The following SNRPA variants were observed in gnomAD, a reference collection of about 807,000 sequenced individuals.
The protein encoded by SNRPA is small nuclear ribonucleoprotein polypeptide A, also known as U1 small nuclear ribonucleoprotein A.
Under a neutral mutation model 24.5 loss-of-function variants are expected in SNRPA, and 10 were observed. The ratio of observed to expected loss-of-function variants is 0.41; its 90% confidence interval spans 0.25 to 0.69. The LOEUF (loss-of-function observed/expected upper bound fraction) is 0.69. Among genes scored for constraint, SNRPA ranks in the 30% least tolerant of loss-of-function variants. The pLI, the probability that SNRPA is intolerant of heterozygous loss-of-function variation, is 0.33. For synonymous variants in SNRPA, 165 were observed against 148.4 expected (o/e 1.11, Z -0.81); for missense variants, 283 against 394.7 (o/e 0.72, Z 2.40).
intron 3 of SNRPA, among the ~76,000 whole-genome samples, chr19:40,761,127 A>C (rs1206825164): frequency 2.4e-5 from 3 of 126,280 alleles, no homozygotes; most frequent in Non-Finnish European, 3.3e-5. Flanking sequence ...GTCCATGTGC[A>C]AAAAAAAAAA....
intron 3 of SNRPA, 62 bp from the exon 4 acceptor site, chr19:40,762,839 A>ATT (rs1568485905): frequency 6.4e-7 from 1 of 1,551,374 alleles, no homozygotes; most frequent in Non-Finnish European, 8.8e-7. Flanking sequence ...GTTTCCTTTC[A>ATT]TGGCCTCTTC....
chr19:40,761,458 C>CTTTTTTTTTTTTTTTTTTTTTTTTTTT lies in SNRPA; in HGVS notation c.427-1417_427-1416insTTTTTTTTTTTTTTTTTTTTTTTTTTT, dbSNP rs200242370. Among the ~76,000 whole-genome samples the CTTTTTTTTTTTTTTTTTTTTTTTTTTT allele has an allele frequency of 3.5e-5, 3 of 85,874 alleles. 1 individual carries two copies. The highest frequency in any genetic ancestry group is 4.3e-5 in the Non-Finnish European group (2 of 46,046). The allele number at this position is 85,874 out of a possible 152,430, so 56.3% of individuals were successfully genotyped here. On this transcript the variant is annotated intron_variant, in intron 3 of 5. Transcript: ENST00000243563. ...TCTCTTTTCTTTTCTTTTTCTTTTT[C>CTTTTTTTTTTTTTTTTTTTTTTTTTTT]TTTTTTTTTTTTTTTTTTTTTTTTT...
chr19:40,760,172 G>A (rs77565697), intron 3 of SNRPA, among the ~76,000 whole-genome samples: 3,088 of 152,170 alleles, frequency 0.02, 99 homozygotes, highest in African/African-American at 0.07. Context: ...GTCAGTCCGT[G>A]CCACTCCACC....
chr19:40,757,550 T>C (rs373865948), intron 2 of SNRPA, 46 bp downstream of exon 2: 5 of 1,540,626 alleles, frequency 3.2e-6, no homozygotes, highest in Admixed American at 1.9e-5. Flanking sequence ...TAAAATGTTA[T>C]AGGAGACTGG....
rs1478645683 is a variant in SNRPA at position 40,757,326 on chromosome 19, C to G, written c.74-6C>G. On this transcript the variant is annotated splice_polypyrimidine_tract_variant and splice_region_variant and intron_variant, in intron 1 of 5. Transcript: ENST00000243563. The stretch of plus-strand genomic sequence containing the variant: ...AGCTCAAAGGTCTTTTTTTCCCCCA[C>G]TGCAGAGCTAAAAAAGTCCCTGTAC... The G allele has an allele frequency of 6.2e-7, 1 of 1,613,742 alleles. No homozygotes were observed. The highest frequency in any genetic ancestry group is 1.3e-5 in the African/African-American group (1 of 74,882).
At chr19:40,758,340 C>G (rs956626112) in intron 2 of SNRPA, among the ~76,000 whole-genome samples, 1 of 152,118 alleles carries the variant, frequency 6.6e-6, no homozygotes, top group Non-Finnish European at 1.5e-5. Flanking sequence ...TTGTTCATTG[C>G]TTTATTCCCA....
intron 1 of SNRPA, among the ~76,000 whole-genome samples, chr19:40,751,991 C>G (rs568863237): frequency 1.3e-5 from 2 of 152,256 alleles, no homozygotes; most frequent in South Asian, 4.2e-4. Context: ...ACATTTAATT[C>G]TCACAACAAT....
Position 40,759,416 on chromosome 19 carries a change from C to G in SNRPA, c.247-15C>G. On this transcript the variant is annotated splice_polypyrimidine_tract_variant and intron_variant, in intron 2 of 5. Coordinates refer to ENST00000243563, the MANE Select transcript of SNRPA (RefSeq NM_004596.5). ...GAATCCACGCTCTTAACCCGTTCTG[C>G]TCTCTGTTTGGTAGCGTATCCAGTA... The G allele has an allele frequency of 6.2e-7, 1 of 1,604,822 alleles. No individual in the cohort carries two copies. Among genetic ancestry groups the G allele is most frequent in the Non-Finnish European group, 8.5e-7 (1 of 1,175,478 alleles).
At chr19:40,761,026 A>G (rs945859781) in intron 3 of SNRPA, among the ~76,000 whole-genome samples, 2 of 151,212 alleles carry the variant, frequency 1.3e-5, no homozygotes, top group South Asian at 4.2e-4. Flanking sequence ...CAGTCGTGCA[A>G]TCTCGGCTCA....
At chr19:40,763,417 G>A (rs1185234922) in intron 4 of SNRPA, 170 bp from the exon 5 acceptor site, 7 of 657,706 alleles carry the variant, frequency 1.1e-5, no homozygotes, top group Non-Finnish European at 1.9e-5. Flanking sequence ...ATAGTCTGTA[G>A]GGGCAAAGAG....
chr19:40,753,384 G>GTTTTTTTTTTTGT (rs2082893032), intron 1 of SNRPA, among the ~76,000 whole-genome samples: 1 of 38,390 alleles, frequency 2.6e-5, no homozygotes, highest in Admixed American at 4.9e-4. Context: ...TTTTGCATAT[G>GTTTTTTTTTTTGT]TTTTTTTTTT....
chr19:40,752,348 G>T (rs962056438), intron 1 of SNRPA, among the ~76,000 whole-genome samples: 1 of 150,108 alleles, frequency 6.7e-6, no homozygotes, highest in Admixed American at 6.6e-5. Context: ...AAAAAAAAAA[G>T]AAAGAAAAGA....
chr19:40,763,335 G>A (rs191051670), intron 4 of SNRPA: 18 of 594,142 alleles, frequency 3.0e-5, no homozygotes, highest in Middle Eastern at 4.3e-4. Context: ...GCCTCCTTAC[G>A]TGCCAGGCCC....
At position 40,759,582 on chromosome 19, in the gene SNRPA, T is replaced by C; in HGVS notation, c.398T>C (p.Val133Ala). ...KAVQGGGATP[V>A]VGAVQGPVPG... ...GTGCAAGGCGGGGGAGCCACCCCCG[T>C]GGTGGGGGCTGTCCAGGGGCCTGTC... is the stretch of plus-strand genomic sequence containing the variant. The change falls in exon 3 of 6, where the codon GTG (valine) becomes GCG (alanine). Residue 133 changes from valine to alanine, a missense_variant. By Grantham distance (64) the Val-to-Ala change is moderately conservative. This residue lies in a region of SNRPA where 167 missense variants were observed against 174.3 expected (regional missense o/e 0.96). Coordinates refer to ENST00000243563, the MANE Select transcript of SNRPA (RefSeq NM_004596.5). 1 of 1,612,084 alleles carries C rather than the reference T, an allele frequency of 6.2e-7. No homozygotes were observed. The highest frequency in any genetic ancestry group is 8.5e-7 in the Non-Finnish European group (1 of 1,179,430).
chr19:40,764,996 G>T lies in SNRPA; in HGVS notation c.690-12G>T, dbSNP rs372619986. On this transcript the variant is annotated splice_polypyrimidine_tract_variant and intron_variant, in intron 5 of 5. Transcript: ENST00000243563. ...AAATGCTGAGTCCCTGAGGTCTGTC[G>T]TTCTCTTTCAGGTTCCCTGGCTTCA... 3.2e-6 allele frequency: 5 copies of T among 1,549,478 alleles called. No homozygotes were observed. In the East Asian group the frequency reaches 1.2e-4, roughly 37 times the overall value.
intron 3 of SNRPA, among the ~76,000 whole-genome samples, chr19:40,761,458 CTTTTTTTTTTT>C (rs200242370): frequency 4.0e-4 from 34 of 85,880 alleles, no homozygotes; most frequent in South Asian, 2.8e-3. Flanking sequence ...TTTTCTTTTT[CTTTTTTTTTTT>C]TTTTTTTTTT....
At position 40,763,847 on chromosome 19, in the gene SNRPA, T is replaced by A. The variant is rs2082943493; in HGVS notation, c.689+172T>A. On this transcript the variant is annotated intron_variant, in intron 5 of 5. Coordinates refer to ENST00000243563, the MANE Select transcript of SNRPA (RefSeq NM_004596.5). ...AGGCTGTGGCTGGGCCCACGGCCTG[T>A]GGGGGACATGGGGGTGAGGCTGGAA... 2.6e-5 allele frequency among the ~76,000 whole-genome samples: 4 copies of A among 152,136 alleles called. No homozygotes were observed. In the South Asian group the frequency reaches 8.3e-4, roughly 32 times the overall value.
At chr19:40,753,384 G>GTTTTGTTTT (rs2082893004) in intron 1 of SNRPA, among the ~76,000 whole-genome samples, 1 of 38,382 alleles carries the variant, frequency 2.6e-5, no homozygotes, top group African/African-American at 1.1e-4. Flanking sequence ...TTTTGCATAT[G>GTTTTGTTTT]TTTTTTTTTT....
At chr19:40,762,442 C>T (rs968280725) in intron 3 of SNRPA, among the ~76,000 whole-genome samples, 2 of 152,080 alleles carry the variant, frequency 1.3e-5, no homozygotes, top group Admixed American at 1.3e-4. Context: ...GTCTCAAACT[C>T]CTAACCTCAG....
Sources: gnomAD v4.1 joint callset for allele counts (sites outside exome capture counted in the v4.1 genomes callset) on GRCh38, gnomAD v4.1.1 for gene constraint, gnomAD v4.1.1 regional missense constraint, MANE v1.5 for transcripts, NCBI Gene and HGNC (gene_info 2026-07-23, HGNC 2026-07-21) for gene names.